The following PTPRR variants were observed in gnomAD, a reference collection of about 807,000 sequenced individuals.
The protein encoded by PTPRR is receptor-type tyrosine-protein phosphatase R.
In PTPRR, 38 loss-of-function variants were observed where a neutral mutation model predicts 77.2. The observed-to-expected ratio is 0.49, with a 90% CI of 0.38 to 0.65. PTPRR has a LOEUF of 0.65. Ranked by LOEUF, PTPRR falls within the 30% of genes least tolerant of loss-of-function variation. The pLI is 0.00. For missense variants in PTPRR, 744 were observed against 799.2 expected (o/e 0.93, Z 0.83); for synonymous variants, 299 against 283.1 (o/e 1.06, Z -0.57).
chr12:70,876,986 A>G (rs1893062595), intron 2 of PTPRR, among the ~76,000 whole-genome samples: 1 of 152,302 alleles, frequency 6.6e-6, no homozygotes, highest in South Asian at 2.1e-4. Context: ...AGAAGGGTGG[A>G]CCACGGTGAC....
chr12:70,772,191 ATACT>A (rs1354003068), intron 2 of PTPRR, among the ~76,000 whole-genome samples: 1 of 152,152 alleles, frequency 6.6e-6, no homozygotes, highest in African/African-American at 2.4e-5. Context: ...TATTCTTATA[ATACT>A]TAATTCACTA....
chr12:70,856,637 G>A (rs1892656245), intron 2 of PTPRR, among the ~76,000 whole-genome samples: 1 of 152,160 alleles, frequency 6.6e-6, no homozygotes, highest in South Asian at 2.1e-4. Context: ...GTCACACCTA[G>A]AGCTAGGGAT....
chr12:70,900,678 C>T (rs1376825051), intron 1 of PTPRR, among the ~76,000 whole-genome samples: 1 of 151,116 alleles, frequency 6.6e-6, no homozygotes, highest in Non-Finnish European at 1.5e-5. Flanking sequence ...CAATGTAATA[C>T]CAAAAAAATT....
intron 2 of PTPRR, among the ~76,000 whole-genome samples, chr12:70,769,691 C>T (rs1374139596): frequency 6.6e-5 from 10 of 151,904 alleles, no homozygotes; most frequent in East Asian, 1.9e-4. Context: ...AAAAAGAGCC[C>T]GCATCACCAA....
intron 6 of PTPRR, among the ~76,000 whole-genome samples, chr12:70,741,015 G>A (rs1890029210): frequency 6.6e-6 from 1 of 152,134 alleles, no homozygotes; most frequent in African/African-American, 2.4e-5. Context: ...ATGCCATCTT[G>A]GCAGGGAATT....
intron 2 of PTPRR, among the ~76,000 whole-genome samples, chr12:70,790,525 C>T (rs554635473): frequency 9.3e-4 from 141 of 152,196 alleles, no homozygotes; most frequent in African/African-American, 3.3e-3. Context: ...AATTCTTAGT[C>T]TCTTCTTTTC....
chr12:70,821,093 A>G (rs1261397307), intron 2 of PTPRR, among the ~76,000 whole-genome samples: 1 of 152,176 alleles, frequency 6.6e-6, no homozygotes, highest in Non-Finnish European at 1.5e-5. Context: ...TGAAGAAAAA[A>G]TACTAGACTG....
chr12:70,854,743 T>G (rs1425009229), intron 2 of PTPRR, among the ~76,000 whole-genome samples: 1 of 152,196 alleles, frequency 6.6e-6, no homozygotes, highest in African/African-American at 2.4e-5. Context: ...GGCAATGTCC[T>G]TAATTCTCAG....
At chr12:70,780,024 G>A (rs938918158) in intron 2 of PTPRR, among the ~76,000 whole-genome samples, 5 of 150,464 alleles carry the variant, frequency 3.3e-5, no homozygotes, top group Non-Finnish European at 7.4e-5. Flanking sequence ...ACAGAGTCTC[G>A]CTCTGTTGCC....
At chr12:70,763,109 T>C (rs977272210) in intron 3 of PTPRR, among the ~76,000 whole-genome samples, 19 of 151,604 alleles carry the variant, frequency 1.3e-4, no homozygotes, top group Non-Finnish European at 8.8e-5. Flanking sequence ...ATATAAAAAA[T>C]CTAGATCTAG....
intron 1 of PTPRR, among the ~76,000 whole-genome samples, chr12:70,907,568 A>AT (rs1356695902): frequency 6.6e-6 from 1 of 152,118 alleles, no homozygotes; most frequent in Non-Finnish European, 1.5e-5. Context: ...ATGTTTCCTG[A>AT]TTTTTGCCCA....
chr12:70,805,891 C>T (rs1171996500), intron 2 of PTPRR, among the ~76,000 whole-genome samples: 3 of 152,050 alleles, frequency 2.0e-5, no homozygotes, highest in African/African-American at 4.8e-5. Context: ...ATATATAGTT[C>T]TAATATTAGA....
At chr12:70,814,880 C>A (rs771120954) in intron 2 of PTPRR, among the ~76,000 whole-genome samples, 1 of 151,958 alleles carries the variant, frequency 6.6e-6, no homozygotes, top group Non-Finnish European at 1.5e-5. Context: ...TATTTGAAGG[C>A]ATAAAAATAT....
chr12:70,879,821 A>G (rs1487564825), intron 2 of PTPRR, among the ~76,000 whole-genome samples: 4 of 152,210 alleles, frequency 2.6e-5, no homozygotes, highest in East Asian at 1.9e-4. Flanking sequence ...AAAAACACGC[A>G]TAATACAAAA....
At chr12:70,766,566 T>A (rs1245791836) in intron 2 of PTPRR, among the ~76,000 whole-genome samples, 1 of 151,784 alleles carries the variant, frequency 6.6e-6, no homozygotes, top group East Asian at 1.9e-4. Flanking sequence ...ACGGGGAGAA[T>A]GGAACCAAGT....
At position 70,761,639 on chromosome 12, in the gene PTPRR, G is replaced by T. The variant is rs1203815964; in HGVS notation, c.472-13C>A. The T allele has an allele frequency of 6.5e-7, 1 of 1,538,126 alleles. No homozygotes were observed. Among genetic ancestry groups the T allele is most frequent in the Non-Finnish European group, 8.8e-7 (1 of 1,139,280 alleles). On this transcript the variant is annotated splice_polypyrimidine_tract_variant and intron_variant, in intron 3 of 13. Coordinates refer to ENST00000283228, the MANE Select transcript of PTPRR (RefSeq NM_002849.4). ...TGTTCTTCTTTCCCTAATAAAAGCA[G>T]AATATTTGTATTTGTTATAGACATT...
rs139838046 is a variant in PTPRR at position 70,737,552 on chromosome 12, G to A, written c.1007+8266C>T. The stretch of plus-strand genomic sequence containing the variant: ...TATCTATCTTTCGAGACAAAGTCTC[G>A]CTGTTTTGCCCAGGCTGGAGTACAG... On this transcript the variant is annotated intron_variant, in intron 6 of 13. Coordinates refer to ENST00000283228, the MANE Select transcript of PTPRR (RefSeq NM_002849.4). Among the ~76,000 whole-genome samples, 643 of 148,964 alleles carry A rather than the reference G, an allele frequency of 4.3e-3. 3 individuals carry two copies. The highest frequency in any genetic ancestry group is 0.013 in the African/African-American group (507 of 40,408).
intron 1 of PTPRR, among the ~76,000 whole-genome samples, chr12:70,905,613 C>T (rs1208356655): frequency 6.6e-6 from 1 of 151,828 alleles, no homozygotes. Context: ...CTGAAGAGAT[C>T]TTTAACAAAG....
chr12:70,919,302 CA>C (rs980188555), intron 1 of PTPRR, among the ~76,000 whole-genome samples: 1 of 152,176 alleles, frequency 6.6e-6, no homozygotes, highest in African/African-American at 2.4e-5. Flanking sequence ...GAAGCACACT[CA>C]GGGAAAATGC....
Sources: gnomAD v4.1 joint callset for allele counts (sites outside exome capture counted in the v4.1 genomes callset) on GRCh38, gnomAD v4.1.1 for gene constraint, MANE v1.5 for transcripts, NCBI Gene and HGNC (gene_info 2026-07-23, HGNC 2026-07-21) for gene names.